GRM7: variants seen among roughly 807,000 people sequenced by gnomAD.
GRM7 encodes the protein glutamate metabotropic receptor 7, also known as metabotropic glutamate receptor 7.
A neutral mutation model predicts 84.5 loss-of-function variants in GRM7; 35 were observed. That is an observed-to-expected ratio of 0.41 (90% CI 0.32 to 0.55). The LOEUF (loss-of-function observed/expected upper bound fraction) is 0.55, where lower values mean the gene tolerates loss of function less well. Among genes scored for constraint, GRM7 ranks in the 20% least tolerant of loss-of-function variants. GRM7 has a pLI of 0.19. For synonymous variants in GRM7, 487 were observed against 455.1 expected (o/e 1.07, Z -0.89); for missense variants, 1,003 against 1,194.6 (o/e 0.84, Z 2.36).
rs190404277 is a variant in GRM7, at chr3:7,591,939, G to T, written c.2451+12582G>T. Among the ~76,000 whole-genome samples the T allele has an allele frequency of 1.5e-3, 226 of 152,150 alleles. 1 individual carries two copies. The highest frequency in any genetic ancestry group is 4.9e-3 in the African/African-American group (204 of 41,518). On this transcript the variant is annotated intron_variant, in intron 8 of 9. Transcript: ENST00000357716. Reference sequence around the variant, plus strand: ...TGCTCTGGGATACGGACAATAAAAAGGATCAATTCTTTTACCCTGGACAAA... The same window carrying T: ...TGCTCTGGGATACGGACAATAAAAATGATCAATTCTTTTACCCTGGACAAA...
At chr3:7,404,190 C>T (rs1695578196) in intron 4 of GRM7, among the ~76,000 whole-genome samples, 1 of 152,080 alleles carries the variant, frequency 6.6e-6, no homozygotes, top group African/African-American at 2.4e-5. Flanking sequence ...GGGATAACTT[C>T]CTAGAAAGAG....
At chr3:6,956,114 A>G (rs1693037583) in intron 1 of GRM7, among the ~76,000 whole-genome samples, 1 of 152,216 alleles carries the variant, frequency 6.6e-6, no homozygotes, top group Non-Finnish European at 1.5e-5. Flanking sequence ...AGCAAAGTAT[A>G]CCCATAAATT....
chr3:7,086,274 A>G lies in GRM7; in HGVS notation c.520-60178A>G, dbSNP rs368013513. Reference sequence around the variant, plus strand: ...GTCAAATAACCCTTTATCAGAATAAATTAATATGCATGAGGGTATATGTGT... The same window carrying G: ...GTCAAATAACCCTTTATCAGAATAAGTTAATATGCATGAGGGTATATGTGT... On this transcript the variant is annotated intron_variant, in intron 1 of 9. Transcript: ENST00000357716. Among the ~76,000 whole-genome samples, 236 of 152,258 alleles carry G rather than the reference A, an allele frequency of 1.5e-3. 1 individual carries two copies. The highest frequency in any genetic ancestry group is 5.2e-3 in the African/African-American group (215 of 41,572).
intron 9 of GRM7, among the ~76,000 whole-genome samples, chr3:7,690,443 G>T (rs559766173): frequency 1.9e-4 from 29 of 152,230 alleles, no homozygotes; most frequent in African/African-American, 6.5e-4. Flanking sequence ...AGCCTCAGCA[G>T]GTGAAATTAT....
At chr3:7,330,721 G>A (rs538544669) in intron 4 of GRM7, among the ~76,000 whole-genome samples, 7 of 152,294 alleles carry the variant, frequency 4.6e-5, no homozygotes, top group East Asian at 1.9e-4. Flanking sequence ...CCCCAGCCAC[G>A]TGGAACGTGA....
chr3:7,326,809 G>A lies in GRM7; in HGVS notation c.1033+20157G>A, dbSNP rs529325092. Reference sequence around the variant, plus strand: ...AGATCACGCCATTGCACTCCAGCCTGGGCAACACAGTGGAACTCCGTCTCA... The same window carrying A: ...AGATCACGCCATTGCACTCCAGCCTAGGCAACACAGTGGAACTCCGTCTCA... On this transcript the variant is annotated intron_variant, in intron 4 of 9. Transcript: ENST00000357716. Among the ~76,000 whole-genome samples, 5 of 151,422 alleles carry A rather than the reference G, an allele frequency of 3.3e-5. No homozygotes were observed. The East Asian group carries it at 9.7e-4, about 29-fold the overall frequency.
chr3:6,993,789 T>C (rs1694734254), intron 1 of GRM7, among the ~76,000 whole-genome samples: 2 of 152,178 alleles, frequency 1.3e-5, no homozygotes, highest in South Asian at 2.1e-4. Context: ...ATGGATTACA[T>C]ATAGAAGGAG....
chr3:6,936,988 A>G (rs1006497334), intron 1 of GRM7, among the ~76,000 whole-genome samples: 17 of 152,324 alleles, frequency 1.1e-4, no homozygotes, highest in African/African-American at 3.8e-4. Flanking sequence ...TGATGAACAC[A>G]CTTTGTAAAG....
At chr3:7,414,489 T>C (rs1330694729) in intron 4 of GRM7, among the ~76,000 whole-genome samples, 1 of 152,104 alleles carries the variant, frequency 6.6e-6, no homozygotes, top group Non-Finnish European at 1.5e-5. Context: ...ACATTTAAAG[T>C]CACACTGTCC....
At chr3:7,156,423 A>C (rs1694451475) in intron 2 of GRM7, among the ~76,000 whole-genome samples, 1 of 152,150 alleles carries the variant, frequency 6.6e-6, no homozygotes, top group African/African-American at 2.4e-5. Flanking sequence ...TTAGCCTTAG[A>C]TGACTGCACT....
rs1414853768 is a variant in GRM7, at chr3:7,351,766, T to C, written c.1033+45114T>C. ...TTCCCTTAGACATCAGTCTCTTTCA[T>C]GTTGCTTTTTGGCCTTTGGACTCTG... On this transcript the variant is annotated intron_variant, in intron 4 of 9. Coordinates refer to ENST00000357716, the MANE Select transcript of GRM7 (RefSeq NM_000844.4). Among the ~76,000 whole-genome samples the C allele has an allele frequency of 3.9e-5, 6 of 152,028 alleles. No individual in the cohort carries two copies. In the East Asian group the frequency reaches 1.2e-3, roughly 30 times the overall value.
At chr3:7,636,024 T>G (rs1698078010) in intron 8 of GRM7, among the ~76,000 whole-genome samples, 1 of 152,196 alleles carries the variant, frequency 6.6e-6, no homozygotes, top group African/African-American at 2.4e-5. Flanking sequence ...AAAGCACATC[T>G]AAATTATTAA....
At chr3:7,389,039 C>G (rs923383502) in intron 4 of GRM7, among the ~76,000 whole-genome samples, 9 of 152,002 alleles carry the variant, frequency 5.9e-5, no homozygotes, top group Non-Finnish European at 1.0e-4. Context: ...CCTCTTAATG[C>G]CACTTTTGCC....
At chr3:7,478,660 A>T (rs1040857384) in intron 7 of GRM7, among the ~76,000 whole-genome samples, 5 of 152,172 alleles carry the variant, frequency 3.3e-5, no homozygotes, top group African/African-American at 1.2e-4. Flanking sequence ...TGGGCAGGCC[A>T]TGGGCATCCC....
intron 5 of GRM7, among the ~76,000 whole-genome samples, chr3:7,438,926 A>G (rs1697171980): frequency 6.6e-6 from 1 of 152,202 alleles, no homozygotes; most frequent in Non-Finnish European, 1.5e-5. Context: ...GTTGAATCCA[A>G]TATACCCATA....
At chr3:7,076,627 A>G (rs1012850942) in intron 1 of GRM7, among the ~76,000 whole-genome samples, 1 of 152,124 alleles carries the variant, frequency 6.6e-6, no homozygotes, top group African/African-American at 2.4e-5. Context: ...GCACTGTGAC[A>G]GACTAATGCA....
chr3:7,363,957 G>A (rs1693772511), intron 4 of GRM7, among the ~76,000 whole-genome samples: 1 of 151,972 alleles, frequency 6.6e-6, no homozygotes. Flanking sequence ...TGATGGATTA[G>A]CTATTTCTGA....
At chr3:7,302,494 CCCTA>C (rs1490077721) in intron 3 of GRM7, among the ~76,000 whole-genome samples, 1 of 151,998 alleles carries the variant, frequency 6.6e-6, no homozygotes, top group African/African-American at 2.4e-5. Context: ...CTTGGCTTAT[CCCTA>C]CCTTTCTCTT....
chr3:7,293,837 C>A lies in GRM7; in HGVS notation c.737-4847C>A, dbSNP rs57793070. On this transcript the variant is annotated intron_variant, in intron 2 of 9. Transcript: ENST00000357716. Reference sequence around the variant, plus strand: ...TGTTTATGTTGAAGTCATCTACTTACAATATAAGTGAAATTTTAAACCTGC... The same window carrying A: ...TGTTTATGTTGAAGTCATCTACTTAAAATATAAGTGAAATTTTAAACCTGC... Among the ~76,000 whole-genome samples, 1,335 of 152,172 alleles carry A rather than the reference C, an allele frequency of 8.8e-3. 26 individuals are homozygous for A. Among genetic ancestry groups the A allele is most frequent in the African/African-American group, 0.029 (1,193 of 41,496 alleles).
Sources: allele counts gnomAD v4.1 joint callset (sites outside exome capture counted in the v4.1 genomes callset), GRCh38; gene constraint gnomAD v4.1.1; transcripts MANE v1.5; gene names NCBI Gene and HGNC (gene_info 2026-07-23, HGNC 2026-07-21).